RBMS3: variants seen among roughly 807,000 people sequenced by gnomAD.
RBMS3 encodes the protein RNA binding motif single stranded interacting protein 3.
A neutral mutation model predicts 66.8 loss-of-function variants in RBMS3; 27 were observed. The ratio of observed to expected loss-of-function variants is 0.40; its 90% CI spans 0.30 to 0.56. The LOEUF is 0.56. Among genes scored for constraint, RBMS3 ranks in the 20% least tolerant of loss-of-function variants. The pLI, the probability that RBMS3 is intolerant of heterozygous loss-of-function variation, is 0.40. For synonymous variants in RBMS3, 188 were observed against 183.0 expected (o/e 1.03, Z -0.22); for missense variants, 513 against 549.5 (o/e 0.93, Z 0.66).
At chr3:29,970,447 AT>A (rs958037000) in intron 12 of RBMS3, among the ~76,000 whole-genome samples, 3 of 151,770 alleles carry the variant, frequency 2.0e-5, no homozygotes, top group Non-Finnish European at 4.4e-5. Context: ...CATTAGTTTT[AT>A]TTTTTTTCGA....
At chr3:29,337,251 T>A (rs1057268694) in intron 1 of RBMS3, among the ~76,000 whole-genome samples, 143 of 152,216 alleles carry the variant, frequency 9.4e-4, no homozygotes, top group African/African-American at 3.2e-3. Flanking sequence ...TACAAAATGT[T>A]AAAAAATTAT....
intron 5 of RBMS3, among the ~76,000 whole-genome samples, chr3:29,754,126 G>A (rs545136378): frequency 1.6e-4 from 24 of 151,738 alleles, no homozygotes; most frequent in African/African-American, 5.3e-4. Flanking sequence ...CCTAATTTTT[G>A]TATTTTAAAT....
intron 2 of RBMS3, among the ~76,000 whole-genome samples, chr3:29,475,641 A>G (rs926323479): frequency 2.0e-5 from 3 of 152,186 alleles, no homozygotes; most frequent in Non-Finnish European, 4.4e-5. Context: ...CATTTACCGT[A>G]TATCTACTAG....
chr3:29,669,965 C>T (rs903926570), intron 4 of RBMS3, among the ~76,000 whole-genome samples: 5 of 152,092 alleles, frequency 3.3e-5, no homozygotes, highest in African/African-American at 1.2e-4. Flanking sequence ...AATTGCAGGT[C>T]TTATATAAGG....
intron 3 of RBMS3, among the ~76,000 whole-genome samples, chr3:29,510,948 G>T (rs1042278699): frequency 6.8e-4 from 104 of 152,250 alleles, no homozygotes; most frequent in African/African-American, 2.5e-3. Flanking sequence ...GTTTCCTTTT[G>T]GTTAGTGATA....
At chr3:29,597,874 T>G (rs975458100) in intron 4 of RBMS3, among the ~76,000 whole-genome samples, 21 of 152,170 alleles carry the variant, frequency 1.4e-4, no homozygotes, top group African/African-American at 5.1e-4. Flanking sequence ...AGGATCCATT[T>G]GGAAATTATA....
chr3:29,541,254 A>G (rs1006476486), intron 3 of RBMS3, among the ~76,000 whole-genome samples: 6 of 151,694 alleles, frequency 4.0e-5, no homozygotes, highest in Non-Finnish European at 5.9e-5. Flanking sequence ...CACATGCCCA[A>G]CTGTCCAGTT....
intron 3 of RBMS3, among the ~76,000 whole-genome samples, chr3:29,576,925 G>T (rs536339192): frequency 6.6e-6 from 1 of 152,174 alleles, no homozygotes; most frequent in Non-Finnish European, 1.5e-5. Context: ...CTGTCTACTA[G>T]CCTAGGCCTA....
chr3:29,941,600 T>C (rs1203695021), intron 11 of RBMS3, among the ~76,000 whole-genome samples: 1 of 151,834 alleles, frequency 6.6e-6, no homozygotes, highest in African/African-American at 2.4e-5. Flanking sequence ...TGAGCTGGCA[T>C]TAAGTGTAAG....
chr3:29,854,194 C>A (rs2059015294), intron 6 of RBMS3, among the ~76,000 whole-genome samples: 2 of 152,170 alleles, frequency 1.3e-5, no homozygotes, highest in African/African-American at 4.8e-5. Flanking sequence ...TCCCTCCCCG[C>A]GTCCCTGCAG....
At chr3:29,836,453 A>C (rs2058510258) in intron 6 of RBMS3, among the ~76,000 whole-genome samples, 1 of 151,992 alleles carries the variant, frequency 6.6e-6, no homozygotes, top group South Asian at 2.1e-4. Context: ...CAAGCCAAAC[A>C]CAGAAGAACA....
chr3:29,767,076 GC>G (rs1316580066), intron 6 of RBMS3: 4 of 151,896 alleles, frequency 2.6e-5, no homozygotes, highest in African/African-American at 9.7e-5. Context: ...ATGTTGTATA[GC>G]CCCAAAGTGT....
chr3:29,501,161 A>G (rs1246261833), intron 3 of RBMS3, among the ~76,000 whole-genome samples: 1 of 152,184 alleles, frequency 6.6e-6, no homozygotes, highest in African/African-American at 2.4e-5. Context: ...TTATCTAATA[A>G]AAGCTTGTTC....
intron 10 of RBMS3, among the ~76,000 whole-genome samples, chr3:29,918,931 C>T (rs529402805): frequency 6.6e-6 from 1 of 151,756 alleles, no homozygotes; most frequent in African/African-American, 2.4e-5. Flanking sequence ...TGTCATTTTC[C>T]TTATATTAGA....
rs149450723 is a variant in RBMS3, at chr3:29,915,845, G to A, written c.939+16090G>A. 1.1e-4 allele frequency among the ~76,000 whole-genome samples: 16 copies of A among 152,098 alleles called. No homozygotes were observed. The East Asian group carries it at 2.5e-3, about 24-fold the overall frequency. ...CTAACAAAGAAAAGAAGCAAGAAAC[G>A]TAATTCTGCATCTGGAAAAAACTTC... On this transcript the variant is annotated intron_variant, in intron 10 of 14. Coordinates refer to ENST00000383767, the MANE Select transcript of RBMS3 (RefSeq NM_001003793.3).
intron 4 of RBMS3, among the ~76,000 whole-genome samples, chr3:29,712,910 C>T (rs1426232218): frequency 1.3e-5 from 2 of 152,142 alleles, no homozygotes; most frequent in African/African-American, 2.4e-5. Flanking sequence ...GCATATCCTG[C>T]ACTTCTTTGT....
In RBMS3 at chr3:29,816,305, CACACAG is replaced by C. The variant is rs1283371212; in HGVS notation, c.638-52547_638-52542del. 7.2e-3 allele frequency among the ~76,000 whole-genome samples: 295 copies of C among 41,140 alleles called. 2 individuals carry two copies. The highest frequency in any genetic ancestry group is 0.024 in the African/African-American group (276 of 11,714). 27.0% of individuals were successfully genotyped at this position (41,140 alleles called of 152,430 possible). On this transcript the variant is annotated intron_variant, in intron 6 of 14. Coordinates refer to ENST00000383767, the MANE Select transcript of RBMS3 (RefSeq NM_001003793.3). ...GCGCACACACAGACACACACAGACA[CACACAG>C]ACACACACACACACACACACACACA...
intron 2 of RBMS3, among the ~76,000 whole-genome samples, chr3:29,448,921 C>T (rs1271881079): frequency 6.6e-6 from 1 of 152,102 alleles, no homozygotes; most frequent in Non-Finnish European, 1.5e-5. Context: ...GAACTCAAAC[C>T]CAGACATTAC....
chr3:29,401,437 G>T (rs1344136300), intron 1 of RBMS3, among the ~76,000 whole-genome samples: 2 of 152,000 alleles, frequency 1.3e-5, no homozygotes, highest in Admixed American at 1.3e-4. Context: ...TTTCTCAGAA[G>T]GATGAAGAGT....
Sources: allele counts gnomAD v4.1 joint callset (sites outside exome capture counted in the v4.1 genomes callset), GRCh38; gene constraint gnomAD v4.1.1; transcripts MANE v1.5; gene names NCBI Gene and HGNC (gene_info 2026-07-23, HGNC 2026-07-21).